The following AKR1C8 variants were observed in gnomAD, a reference collection of about 807,000 sequenced individuals.
AKR1C8 encodes the protein aldo-keto reductase family 1 member C8.
the AKR1C8 span, among the ~76,000 whole-genome samples, chr10:5,140,941 A>G: frequency 4.6e-5 from 7 of 152,140 alleles, no homozygotes; most frequent in Non-Finnish European, 7.4e-5. Flanking sequence ...TTCTTAAATA[A>G]AATACAACAA....
chr10:5,153,540 A>C, the AKR1C8 span, among the ~76,000 whole-genome samples: 1 of 152,180 alleles, frequency 6.6e-6, no homozygotes, highest in African/African-American at 2.4e-5. Flanking sequence ...ATAAAAGTTT[A>C]ATTGGCTCAC....
the AKR1C8 span, among the ~76,000 whole-genome samples, chr10:5,147,675 G>A: frequency 3.3e-5 from 5 of 152,158 alleles, no homozygotes; most frequent in Admixed American, 3.3e-4. Context: ...GCACATTGAT[G>A]CAAAGGGCCA....
chr10:5,145,744 T>C, the AKR1C8 span, among the ~76,000 whole-genome samples: 3 of 152,148 alleles, frequency 2.0e-5, no homozygotes, highest in Admixed American at 1.3e-4. Flanking sequence ...TTTTACACTA[T>C]TGGTGGGACT....
At chr10:5,132,769 C>A in the AKR1C8 span, 2 of 1,325,614 alleles carry the variant, frequency 1.5e-6, no homozygotes, top group Non-Finnish European at 2.1e-6. Flanking sequence ...TTCCTAGGAA[C>A]CCGGAGGAGT....
the AKR1C8 span, among the ~76,000 whole-genome samples, chr10:5,146,317 T>C: frequency 6.6e-6 from 1 of 151,928 alleles, no homozygotes; most frequent in Non-Finnish European, 1.5e-5. Flanking sequence ...CTGCACAATG[T>C]GCACATGTAC....
chr10:5,172,113 T>C, the AKR1C8 span, among the ~76,000 whole-genome samples: 1 of 152,230 alleles, frequency 6.6e-6, no homozygotes, highest in South Asian at 2.1e-4. Context: ...TCATGTGTCC[T>C]AGGTTTTACT....
At chr10:5,182,508 G>T in the AKR1C8 span, among the ~76,000 whole-genome samples, 1 of 152,090 alleles carries the variant, frequency 6.6e-6, no homozygotes, top group African/African-American at 2.4e-5. Flanking sequence ...ATAAATATTT[G>T]AGAGTACAAA....
At chr10:5,131,815 C>T in the AKR1C8 span, among the ~76,000 whole-genome samples, 1 of 152,048 alleles carries the variant, frequency 6.6e-6, no homozygotes, top group African/African-American at 2.4e-5. Flanking sequence ...GTAGATCTGC[C>T]ATTTGATCCA....
At chr10:5,152,069 TTAAACAAACAGCA>T in the AKR1C8 span, among the ~76,000 whole-genome samples, 37 of 152,264 alleles carry the variant, frequency 2.4e-4, 1 homozygote, top group East Asian at 7.0e-3. Context: ...AGTATAGCAT[TTAAACAAACAGCA>T]TACTATCAGG....
chr10:5,182,303 A>T, the AKR1C8 span, among the ~76,000 whole-genome samples: 1 of 152,198 alleles, frequency 6.6e-6, no homozygotes, highest in African/African-American at 2.4e-5. Context: ...GACTGGAAGG[A>T]TATATTTCCC....
At chr10:5,179,324 A>T in the AKR1C8 span, among the ~76,000 whole-genome samples, 2 of 152,196 alleles carry the variant, frequency 1.3e-5, no homozygotes, top group African/African-American at 2.4e-5. Flanking sequence ...CTCTTCTGGC[A>T]TGTAGAGTTT....
the AKR1C8 span, among the ~76,000 whole-genome samples, chr10:5,175,026 G>C: frequency 1.4e-3 from 218 of 151,964 alleles, no homozygotes; most frequent in African/African-American, 4.5e-3. Flanking sequence ...GTGCAGGTTT[G>C]TTACATATGT....
At chr10:5,159,832 G>C in the AKR1C8 span, 1 of 479,694 alleles carries the variant, frequency 2.1e-6, no homozygotes, top group South Asian at 1.5e-5. Flanking sequence ...TAAGCAGGAA[G>C]TGTGTGAACA....
At chr10:5,130,151 A>G in the AKR1C8 span, among the ~76,000 whole-genome samples, 1 of 151,954 alleles carries the variant, frequency 6.6e-6, no homozygotes, top group East Asian at 1.9e-4. Flanking sequence ...TAACACAAAG[A>G]GAATTAAAAA....
the AKR1C8 span, among the ~76,000 whole-genome samples, chr10:5,158,355 A>T: frequency 6.6e-6 from 1 of 152,158 alleles, no homozygotes; most frequent in East Asian, 1.9e-4. Flanking sequence ...TTACCTAAAG[A>T]CCACTTTAAA....
the AKR1C8 span, among the ~76,000 whole-genome samples, chr10:5,178,595 T>A: frequency 6.6e-5 from 10 of 152,272 alleles, 1 homozygote; most frequent in South Asian, 1.0e-3. Context: ...AAGTCTCCCG[T>A]TATTATTGTG....
chr10:5,137,334 A>C, the AKR1C8 span, among the ~76,000 whole-genome samples: 1 of 152,148 alleles, frequency 6.6e-6, no homozygotes. Context: ...GATGAGCATC[A>C]AGGCAAAAAT....
chr10:5,175,393 A>G, the AKR1C8 span, among the ~76,000 whole-genome samples: 5 of 152,056 alleles, frequency 3.3e-5, no homozygotes, highest in Admixed American at 1.3e-4. Context: ...CATTTGGGTT[A>G]GTTCCAAGTC....
At chr10:5,168,938 T>A in the AKR1C8 span, among the ~76,000 whole-genome samples, 1 of 152,094 alleles carries the variant, frequency 6.6e-6, no homozygotes. Context: ...TAAAAACAGA[T>A]GAAAATACCT....
Sources: allele counts gnomAD v4.1 joint callset (sites outside exome capture counted in the v4.1 genomes callset), GRCh38; gene constraint gnomAD v4.1.1; transcripts MANE v1.5; gene names NCBI Gene and HGNC (gene_info 2026-07-23, HGNC 2026-07-21).